PAK4: variants seen among roughly 807,000 people sequenced by gnomAD.
PAK4 encodes the protein p21 (RAC1) activated kinase 4, also known as serine/threonine-protein kinase PAK 4.
PAK4 carries 49 observed loss-of-function variants against 53.5 expected under a neutral mutation model. The observed-to-expected ratio is 0.92, with a 90% CI of 0.73 to 1.16. The LOEUF (loss-of-function observed/expected upper bound fraction) is 1.16. PAK4 is among the 50% of genes most tolerant of loss of function. The pLI is 0.00. For missense variants in PAK4, 824 were observed against 850.7 expected, an observed-to-expected ratio of 0.97 and a Z score of 0.39; for synonymous variants, 376 against 375.6, an observed-to-expected ratio of 1.00 and a Z score of -0.01.
At chr19:39,174,850 G>A in intron 4 of PAK4, 81 bp from the exon 6 acceptor site, 2 of 1,542,500 alleles carry the variant, frequency 1.3e-6, no homozygotes, top group Non-Finnish European at 1.8e-6. Context: ...ACTGCAGGGG[G>A]AGCCAGGGGG....
intron 4 of PAK4, 143 bp from the exon 6 acceptor site, chr19:39,174,788 C>A: frequency 3.4e-6 from 3 of 892,584 alleles, no homozygotes; most frequent in Non-Finnish European, 5.1e-6. Context: ...GTGGCTGTGG[C>A]AGTAGGGGAG....
chr19:39,144,987 A>G lies in PAK4; in HGVS notation c.-23+19068A>G, dbSNP rs372377822. Among the ~76,000 whole-genome samples, 80 of 152,262 alleles carry G rather than the reference A, an allele frequency of 5.3e-4. 1 individual carries two copies. In the South Asian group the frequency reaches 0.015, roughly 28 times the overall value. ...AGTTTAATGAATAATTATAAAGCAAACAGCCATGAAACTACCACCCAGATC... is the reference window on the plus strand; with the variant it reads ...AGTTTAATGAATAATTATAAAGCAAGCAGCCATGAAACTACCACCCAGATC... On this transcript the variant is annotated intron_variant, in intron 1 of 8. Transcript: ENST00000358301.
At chr19:39,133,285 A>G (rs1309459342) in intron 1 of PAK4, among the ~76,000 whole-genome samples, 1 of 152,252 alleles carries the variant, frequency 6.6e-6, no homozygotes, top group Non-Finnish European at 1.5e-5. Flanking sequence ...AAGTGCTCAA[A>G]GACTGTTAGC....
chr19:39,143,106 C>T (rs1190943804), intron 1 of PAK4, among the ~76,000 whole-genome samples: 1 of 151,994 alleles, frequency 6.6e-6, no homozygotes, highest in Non-Finnish European at 1.5e-5. Flanking sequence ...TCTGAAAGAG[C>T]ACCTTGTCAC....
intron 1 of PAK4, among the ~76,000 whole-genome samples, chr19:39,132,200 G>A (rs777349007): frequency 2.0e-5 from 3 of 152,112 alleles, no homozygotes; most frequent in South Asian, 2.1e-4. Flanking sequence ...CTCTTTTCCC[G>A]TGTTTCAATT....
At position 39,173,453 on chromosome 19, in the gene PAK4, C is replaced by T; in HGVS notation, c.663+77C>T. On this transcript the variant is annotated intron_variant, in intron 3 of 8. Transcript: ENST00000358301. This position sits in a 1 kb window ranked among gnomAD's most constrained non-coding sequence, Gnocchi z 6.9. ...CTGTCCCCACCTTCCAGCCCCGCCC[C>T]ACCACCGTGCATCTCATCCTGACCA... 1 of 1,347,896 alleles carries T rather than the reference C, an allele frequency of 7.4e-7. No individual in the cohort carries two copies. The highest frequency in any genetic ancestry group is 1.0e-6 in the Non-Finnish European group (1 of 996,670). 83.5% of individuals were successfully genotyped at this position (1,347,896 alleles called of 1,614,324 possible).
intron 1 of PAK4, among the ~76,000 whole-genome samples, chr19:39,163,310 C>G (rs1384945900): frequency 6.6e-6 from 1 of 152,146 alleles, no homozygotes; most frequent in Admixed American, 6.5e-5. Context: ...TGGCCACCTC[C>G]CCTGCTCTGC....
chr19:39,173,031 G>A lies in PAK4; in HGVS notation c.318G>A (p.Pro106=), dbSNP rs375296515. 297 of 1,549,126 alleles carry A rather than the reference G, an allele frequency of 1.9e-4. No homozygotes were observed. The highest frequency in any genetic ancestry group is 4.1e-4 in the Middle Eastern group (2 of 4,868). Residue 106 remains proline (P), a synonymous_variant, in exon 3 of 9, where the codon CCG becomes CCA. Coordinates refer to ENST00000358301, the Ensembl canonical transcript of PAK4. This position sits in a 1 kb window ranked among gnomAD's most constrained non-coding sequence, Gnocchi z 6.9. The stretch of plus-strand genomic sequence containing the variant: ...ACTCCCTGCGGAGAGACAGCCCGCC[G>A]CCGCCCGCCCGTGCCCGCCAGGAAA...
At chr19:39,129,823 G>A (rs190326752) in intron 1 of PAK4, among the ~76,000 whole-genome samples, 154 of 152,296 alleles carry the variant, frequency 1.0e-3, no homozygotes, top group African/African-American at 3.5e-3. Flanking sequence ...GGTGCCAGGG[G>A]TGACAGCTGG....
rs757197476 is a variant in PAK4 at position 39,175,302 on chromosome 19, C to T, written c.1233-10C>T. The T allele has an allele frequency of 5.7e-6, 9 of 1,567,274 alleles. No homozygotes were observed. Among genetic ancestry groups the T allele is most frequent in the Non-Finnish European group, 7.8e-6 (9 of 1,155,014 alleles). The stretch of plus-strand genomic sequence containing the variant: ...CCAGCTGGCTGCTCACCCCCCACCC[C>T]ACCCCGCAGGATGAACGAGGAGCAG... On this transcript the variant is annotated splice_polypyrimidine_tract_variant and intron_variant, in intron 5 of 8. Coordinates refer to ENST00000358301, the Ensembl canonical transcript of PAK4. This position sits in a 1 kb window ranked among gnomAD's most constrained non-coding sequence, Gnocchi z 4.7.
At chr19:39,154,319 G>A (rs962226202) in intron 1 of PAK4, among the ~76,000 whole-genome samples, 3 of 152,122 alleles carry the variant, frequency 2.0e-5, no homozygotes, top group African/African-American at 7.2e-5. Context: ...GAATGTTTTC[G>A]AGAAGAGCAA....
chr19:39,128,333 G>A (rs1011792849), intron 1 of PAK4, among the ~76,000 whole-genome samples: 5 of 152,226 alleles, frequency 3.3e-5, no homozygotes, highest in South Asian at 2.1e-4. Flanking sequence ...GGAGGCCCTC[G>A]CTCCACCTGC....
intron 1 of PAK4, among the ~76,000 whole-genome samples, chr19:39,149,150 G>A (rs901192592): frequency 1.3e-5 from 2 of 152,152 alleles, no homozygotes; most frequent in African/African-American, 2.4e-5. Flanking sequence ...CCAACTGTTC[G>A]TCCAAAAGAA....
intron 1 of PAK4, among the ~76,000 whole-genome samples, chr19:39,142,425 A>G (rs947368885): frequency 2.0e-5 from 3 of 152,184 alleles, no homozygotes; most frequent in Non-Finnish European, 4.4e-5. Flanking sequence ...GTTTTCAAGT[A>G]AAAATTAAGT....
In PAK4 at chr19:39,178,298, C is replaced by T. The variant is rs571274037; in HGVS notation, c.1621-126C>T. 4.7e-5 allele frequency: 45 copies of T among 951,064 alleles called. No homozygotes were observed. The East Asian group carries it at 9.0e-4, about 19-fold the overall frequency. The allele number at this position is 951,064 out of a possible 1,614,324, so 58.9% of individuals were successfully genotyped here. On this transcript the variant is annotated intron_variant, in intron 8 of 8. Transcript: ENST00000358301. This position sits in a 1 kb window ranked among gnomAD's most constrained non-coding sequence, Gnocchi z 4.4. Reference sequence around the variant, plus strand: ...CACCCCAAGATCTAGACACCCATGACCTCCGCCCCCTGCCCTCCTGCACAG... The same window carrying T: ...CACCCCAAGATCTAGACACCCATGATCTCCGCCCCCTGCCCTCCTGCACAG...
intron 1 of PAK4, among the ~76,000 whole-genome samples, chr19:39,130,693 A>G (rs994244983): frequency 2.6e-5 from 4 of 152,004 alleles, no homozygotes; most frequent in Non-Finnish European, 4.4e-5. Flanking sequence ...AGCAAAAAAA[A>G]GAAGCCAGTG....
At chr19:39,134,080 G>A (rs1461314204) in intron 1 of PAK4, among the ~76,000 whole-genome samples, 1 of 152,164 alleles carries the variant, frequency 6.6e-6, no homozygotes, top group African/African-American at 2.4e-5. Context: ...GCCCACAGGG[G>A]CCTCCATAGT....
chr19:39,142,089 G>A (rs756051755), intron 1 of PAK4, among the ~76,000 whole-genome samples: 24 of 152,230 alleles, frequency 1.6e-4, no homozygotes, highest in African/African-American at 5.1e-4. Flanking sequence ...CAATCCTCCC[G>A]CCTCAGTCTC....
At chr19:39,151,609 C>T (rs1293493796) in intron 1 of PAK4, among the ~76,000 whole-genome samples, 1 of 152,216 alleles carries the variant, frequency 6.6e-6, no homozygotes, top group Non-Finnish European at 1.5e-5. Flanking sequence ...ACGGTCCTTC[C>T]ACACAGCTGC....
Sources: gnomAD v4.1 joint callset for allele counts (sites outside exome capture counted in the v4.1 genomes callset) on GRCh38, gnomAD v4.1.1 for gene constraint, Gnocchi (gnomAD v3.1) non-coding constraint, MANE v1.5 for transcripts, NCBI Gene and HGNC (gene_info 2026-07-23, HGNC 2026-07-21) for gene names.